The following CADM1 variants were observed in gnomAD, a reference collection of about 807,000 sequenced individuals.
CADM1 encodes the protein TSLC-1.
Under a neutral mutation model 53.1 loss-of-function variants are expected in CADM1, and 15 were observed. That is an observed-to-expected ratio of 0.28 (90% CI 0.19 to 0.44). The LOEUF is 0.44. Ranked by LOEUF, CADM1 falls within the 20% of genes least tolerant of loss-of-function variation. CADM1 has a pLI of 1.00. For synonymous variants in CADM1, 281 were observed against 243.0 expected, an observed-to-expected ratio of 1.16 and a Z score of -1.45; for missense variants, 434 against 611.3, an observed-to-expected ratio of 0.71 and a Z score of 3.06.
intron 1 of CADM1, among the ~76,000 whole-genome samples, chr11:115,302,024 G>A (rs1254406977): frequency 6.6e-6 from 1 of 151,930 alleles, no homozygotes; most frequent in African/African-American, 2.4e-5. Flanking sequence ...ATCAGGTAAA[G>A]CATTCAGTAA....
At chr11:115,280,373 C>A (rs1943554950) in intron 1 of CADM1, among the ~76,000 whole-genome samples, 1 of 152,186 alleles carries the variant, frequency 6.6e-6, no homozygotes. Context: ...GGAATCTGAG[C>A]AGCTTTCTTT....
intron 1 of CADM1, among the ~76,000 whole-genome samples, chr11:115,380,946 AAAAC>A (rs1946559826): frequency 6.6e-6 from 1 of 152,316 alleles, no homozygotes; most frequent in East Asian, 1.9e-4. Context: ...TTAAAAATCC[AAAAC>A]AAACATATTC....
chr11:115,445,377 T>C (rs903122266), intron 1 of CADM1, among the ~76,000 whole-genome samples: 1 of 151,934 alleles, frequency 6.6e-6, no homozygotes, highest in East Asian at 1.9e-4. Context: ...ATATAGACAA[T>C]AGAGGTAATG....
chr11:115,350,048 T>G (rs1325337677), intron 1 of CADM1, among the ~76,000 whole-genome samples: 4 of 152,232 alleles, frequency 2.6e-5, no homozygotes, highest in Non-Finnish European at 2.9e-5. Flanking sequence ...CTTGGCTCAC[T>G]GCAACCTCCG....
chr11:115,453,658 C>T (rs1033693866), intron 1 of CADM1, among the ~76,000 whole-genome samples: 1 of 152,066 alleles, frequency 6.6e-6, no homozygotes, highest in African/African-American at 2.4e-5. Context: ...CCCAACACAC[C>T]CAGCTAATTT....
At chr11:115,441,237 A>T (rs1192897145) in intron 1 of CADM1, among the ~76,000 whole-genome samples, 3 of 152,092 alleles carry the variant, frequency 2.0e-5, no homozygotes, top group Non-Finnish European at 4.4e-5. Context: ...GGCTTCTCCC[A>T]TTCCATGAAA....
intron 1 of CADM1, among the ~76,000 whole-genome samples, chr11:115,426,754 A>G (rs1396644370): frequency 6.6e-6 from 1 of 150,802 alleles, no homozygotes; most frequent in African/African-American, 2.4e-5. Flanking sequence ...GGTTTAGCTC[A>G]TTTTGGTTCT....
At chr11:115,225,558 T>C (rs1376986636) in intron 5 of CADM1, among the ~76,000 whole-genome samples, 2 of 152,132 alleles carry the variant, frequency 1.3e-5, no homozygotes, top group African/African-American at 2.4e-5. Flanking sequence ...GTATCACAAA[T>C]AAGGGTCCTA....
chr11:115,254,555 CA>C (rs1366210971), intron 1 of CADM1, among the ~76,000 whole-genome samples: 4 of 117,458 alleles, frequency 3.4e-5, no homozygotes, highest in African/African-American at 1.8e-4. Flanking sequence ...GACAAACACA[CA>C]CACACACACA....
In CADM1 at chr11:115,301,996, T is replaced by C. The variant is rs565349628; in HGVS notation, c.125-61576A>G. The stretch of plus-strand genomic sequence containing the variant: ...TTTGAAAATGAAATGAAAATATATA[T>C]GTACATGTAAAAATGATATCAGGTA... On this transcript the variant is annotated intron_variant, in intron 1 of 11. Transcript: ENST00000331581. Among the ~76,000 whole-genome samples the C allele has an allele frequency of 2.6e-4, 40 of 152,130 alleles. No homozygotes were observed. In the South Asian group the frequency reaches 6.6e-3, roughly 25 times the overall value.
At chr11:115,243,294 T>C (rs942309673) in intron 1 of CADM1, among the ~76,000 whole-genome samples, 1 of 152,368 alleles carries the variant, frequency 6.6e-6, no homozygotes, top group East Asian at 1.9e-4. Flanking sequence ...AAATCCAGTG[T>C]CTCAGAAAAT....
At chr11:115,347,707 T>C (rs940865611) in intron 1 of CADM1, among the ~76,000 whole-genome samples, 1 of 152,224 alleles carries the variant, frequency 6.6e-6, no homozygotes, top group South Asian at 2.1e-4. Flanking sequence ...TATAAAAACA[T>C]GTACATTAAC....
chr11:115,185,933 A>G (rs527581623), intron 10 of CADM1, among the ~76,000 whole-genome samples: 3 of 152,214 alleles, frequency 2.0e-5, no homozygotes, highest in African/African-American at 7.2e-5. Context: ...GTCACCCCAA[A>G]GCAGTGTCCA....
intron 1 of CADM1, among the ~76,000 whole-genome samples, chr11:115,307,517 A>AAATATATATAT (rs10673324): frequency 1.4e-5 from 2 of 144,302 alleles, no homozygotes; most frequent in African/African-American, 5.1e-5. Flanking sequence ...GGAAAAAAAA[A>AAATATATATAT]ATATATATAT....
chr11:115,402,364 A>G (rs1441607057), intron 1 of CADM1, among the ~76,000 whole-genome samples: 2 of 152,244 alleles, frequency 1.3e-5, no homozygotes, highest in South Asian at 2.1e-4. Flanking sequence ...CTCTACTACA[A>G]ATACAAAAAT....
intron 1 of CADM1, among the ~76,000 whole-genome samples, chr11:115,498,304 G>A (rs1949664480): frequency 6.6e-6 from 1 of 152,162 alleles, no homozygotes; most frequent in Non-Finnish European, 1.5e-5. Flanking sequence ...GTTCGAAATG[G>A]AAAGAGACAT....
chr11:115,202,478 C>T (rs1247006299), intron 8 of CADM1, among the ~76,000 whole-genome samples: 10 of 152,026 alleles, frequency 6.6e-5, no homozygotes, highest in East Asian at 1.9e-4. Context: ...CTTTACAATG[C>T]GCAGACTGCA....
At chr11:115,194,952 C>T (rs928494192) in intron 9 of CADM1, among the ~76,000 whole-genome samples, 1 of 152,214 alleles carries the variant, frequency 6.6e-6, no homozygotes, top group African/African-American at 2.4e-5. Flanking sequence ...TTAAATCACT[C>T]ATGCATTTCT....
At position 115,455,418 on chromosome 11, in the gene CADM1, G is replaced by C. The variant is rs74449686; in HGVS notation, c.124+48853C>G. ...AAAAAAAAAATCATATATATATATA[G>C]AGAGAGAGAGAAATATTGGTCTCTG... On this transcript the variant is annotated intron_variant, in intron 1 of 11. Coordinates refer to ENST00000331581, the MANE Select transcript of CADM1 (RefSeq NM_001301043.2). Among the ~76,000 whole-genome samples, 1,190 of 151,462 alleles carry C rather than the reference G, an allele frequency of 7.9e-3. 17 individuals carry two copies. The highest frequency in any genetic ancestry group is 0.028 in the African/African-American group (1,140 of 41,292).
Sources: gnomAD v4.1 joint callset for allele counts (sites outside exome capture counted in the v4.1 genomes callset) on GRCh38, gnomAD v4.1.1 for gene constraint, MANE v1.5 for transcripts, NCBI Gene and HGNC (gene_info 2026-07-23, HGNC 2026-07-21) for gene names.